The following MYOCD variants were observed in gnomAD, a reference collection of about 807,000 sequenced individuals.
The protein encoded by MYOCD is myocardin.
MYOCD carries 32 observed loss-of-function variants against 96.1 expected under a neutral mutation model. The observed-to-expected ratio is 0.33, with a 90% CI of 0.25 to 0.45. The LOEUF (loss-of-function observed/expected upper bound fraction) is 0.45. Ranked by LOEUF, MYOCD falls within the 20% of genes least tolerant of loss-of-function variation. The probability of loss-of-function intolerance (pLI) is 1.00; values close to 1 mark genes in which losing one functional copy is unlikely to be tolerated. For missense variants in MYOCD, 1,133 were observed against 1,200.6 expected, an observed-to-expected ratio of 0.94 and a Z score of 0.83; for synonymous variants, 469 against 469.0, an observed-to-expected ratio of 1.00 and a Z score of 0.00.
intron 2 of MYOCD, 59 bp from the exon 3 acceptor site, chr17:12,715,460 C>T (rs375980560): frequency 2.7e-5 from 40 of 1,470,224 alleles, no homozygotes; most frequent in African/African-American, 5.6e-5. Flanking sequence ...GCAAACTCTG[C>T]GATACAGACC....
At chr17:12,756,313 A>T in intron 10 of MYOCD, 101 bp from the exon 11 acceptor site, 1 of 1,371,472 alleles carries the variant, frequency 7.3e-7, no homozygotes, top group Non-Finnish European at 1.0e-6. Flanking sequence ...GTTTGTAAAA[A>T]TGACACCAGG....
At chr17:12,761,030 A>G (rs61699330) in intron 13 of MYOCD, 60,979 of 231,000 alleles carry the variant, frequency 0.26, 9,404 homozygotes, top group East Asian at 0.39. Context: ...CAATGCCCCT[A>G]CCTTCTCAAT....
intron 10 of MYOCD, among the ~76,000 whole-genome samples, chr17:12,754,230 G>A (rs2032947169): frequency 1.3e-5 from 2 of 151,970 alleles, no homozygotes; most frequent in Admixed American, 1.3e-4. Flanking sequence ...TCAGCCTCCC[G>A]AGTAGCTGGG....
chr17:12,677,660 C>T (rs1028660769), intron 1 of MYOCD, among the ~76,000 whole-genome samples: 4 of 150,260 alleles, frequency 2.7e-5, no homozygotes, highest in South Asian at 2.1e-4. Flanking sequence ...TGCAGTGAGC[C>T]GAGATCACGC....
rs756914276 is a variant in MYOCD, at chr17:12,752,728, C to G, written c.1440C>G (p.Pro480=). 21 of 1,614,182 alleles carry G rather than the reference C, an allele frequency of 1.3e-5. No individual in the cohort carries two copies. The highest frequency in any genetic ancestry group is 2.2e-5 in the East Asian group (1 of 44,882). The change falls in exon 10 of 14, where the codon CCC becomes CCG. Residue 480 remains proline, a synonymous_variant. Coordinates refer to ENST00000425538, the MANE Select transcript of MYOCD (RefSeq NM_001146312.3). Reference sequence around the variant, plus strand: ...CGGACACCTTCAATGATGCCTCCCCCTCCTTCGGCCTGCACCCGTCCCCAG... The same window carrying G: ...CGGACACCTTCAATGATGCCTCCCCGTCCTTCGGCCTGCACCCGTCCCCAG... The part of the protein sequence containing the change: ...SLPDTFNDAS[P]SFGLHPSPVH...
chr17:12,729,537 T>G (rs1460931304), intron 5 of MYOCD, among the ~76,000 whole-genome samples: 1 of 150,896 alleles, frequency 6.6e-6, no homozygotes, highest in African/African-American at 2.4e-5. Flanking sequence ...TGGGAGGGGC[T>G]GAGGAGCATC....
At chr17:12,755,640 G>A (rs1026469979) in intron 10 of MYOCD, among the ~76,000 whole-genome samples, 3 of 152,128 alleles carry the variant, frequency 2.0e-5, no homozygotes, top group Non-Finnish European at 2.9e-5. Flanking sequence ...TTGAGAGGCT[G>A]AGGCGGGTGG....
intron 5 of MYOCD, among the ~76,000 whole-genome samples, chr17:12,733,885 A>AAAAAAAAAAAAAAAAAG (rs1567591071): frequency 7.2e-6 from 1 of 139,794 alleles, no homozygotes; most frequent in African/African-American, 2.7e-5. Context: ...AAAAAAGAAA[A>AAAAAAAAAAAAAAAAAG]AAAGAAAGAA....
intron 1 of MYOCD, among the ~76,000 whole-genome samples, chr17:12,697,648 G>A (rs1409268164): frequency 6.6e-6 from 1 of 151,686 alleles, no homozygotes; most frequent in East Asian, 1.9e-4. Context: ...CACTGCCACC[G>A]GCCTAGGTAT....
intron 1 of MYOCD, among the ~76,000 whole-genome samples, chr17:12,673,799 C>T (rs939045155): frequency 3.9e-5 from 6 of 152,148 alleles, no homozygotes; most frequent in African/African-American, 1.4e-4. Context: ...ACAAACTTAA[C>T]TTTAGGCCTA....
In MYOCD at chr17:12,764,051, A is replaced by G. The variant is rs1002589119; in HGVS notation, c.*407A>G. ...GGAAAACGTAGTCTTTTGGGAGTACAGGGAAGCCAGCCCCTCAAAGCTTAT... is the reference window on the plus strand; with the variant it reads ...GGAAAACGTAGTCTTTTGGGAGTACGGGGAAGCCAGCCCCTCAAAGCTTAT... On this transcript the variant is annotated 3_prime_UTR_variant, in exon 14 of 14. Coordinates refer to ENST00000425538, the MANE Select transcript of MYOCD (RefSeq NM_001146312.3). 6.4e-6 allele frequency: 1 copy of G among 156,520 alleles called. No individual in the cohort carries two copies. The highest frequency in any genetic ancestry group is 6.4e-5 in the Admixed American group (1 of 15,518). The allele number at this position is 156,520 out of a possible 1,614,324, so 9.7% of individuals were successfully genotyped here. A position where few individuals can be genotyped will look rare whatever the true frequency, so the allele number is the denominator to read the frequency against.
At chr17:12,681,551 A>T (rs1910467912) in intron 1 of MYOCD, among the ~76,000 whole-genome samples, 1 of 152,168 alleles carries the variant, frequency 6.6e-6, no homozygotes, top group South Asian at 2.1e-4. Flanking sequence ...TAATTCTGAG[A>T]CCGAGCCTTT....
intron 1 of MYOCD, among the ~76,000 whole-genome samples, chr17:12,679,810 A>G (rs1478668828): frequency 2.6e-5 from 4 of 152,206 alleles, no homozygotes; most frequent in African/African-American, 7.2e-5. Context: ...AGGTTTCAGA[A>G]TTGCATATGA....
Position 12,763,538 on chromosome 17 carries a change from T to C in MYOCD, c.2855T>C (p.Phe952Ser). The change falls in exon 14 of 14, where the codon TTT (phenylalanine) becomes TCT (serine). Residue 952 changes from phenylalanine to serine, a missense_variant. By Grantham distance (155) the Phe-to-Ser change is radical. Transcript: ENST00000425538. ...DLTPPNSTPG[F>S]SALTTSSPSI... ...ACTCCGCCAAATTCCACACCAGGCT[T>C]TAGCGCCCTCACCACCAGCAGCCCC... is the stretch of plus-strand genomic sequence containing the variant. 1 of 1,614,196 alleles carries C rather than the reference T, an allele frequency of 6.2e-7. No individual in the cohort carries two copies.
chr17:12,677,648 C>A (rs77109077), intron 1 of MYOCD, among the ~76,000 whole-genome samples: 1 of 150,836 alleles, frequency 6.6e-6, no homozygotes, highest in Non-Finnish European at 1.5e-5. Flanking sequence ...GGAGGCTGAG[C>A]TTGCAGTGAG....
At position 12,676,159 on chromosome 17, in the gene MYOCD, T is replaced by C. The variant is rs141212454; in HGVS notation, c.55+9916T>C. On this transcript the variant is annotated intron_variant, in intron 1 of 13. Transcript: ENST00000425538. ...GTGAAGATTTAGAGGACGTGGACACTAAATAAAATTTGATTACATATTTTA... is the reference window on the plus strand; with the variant it reads ...GTGAAGATTTAGAGGACGTGGACACCAAATAAAATTTGATTACATATTTTA... 1.6e-3 allele frequency among the ~76,000 whole-genome samples: 239 copies of C among 152,024 alleles called. 1 individual carries two copies. The highest frequency in any genetic ancestry group is 2.8e-3 in the Non-Finnish European group (188 of 68,018).
chr17:12,680,981 T>TA (rs1388538865), intron 1 of MYOCD, among the ~76,000 whole-genome samples: 1 of 152,126 alleles, frequency 6.6e-6, no homozygotes, highest in Non-Finnish European at 1.5e-5. Context: ...ATTTAATCCT[T>TA]ACAGCAATCC....
intron 1 of MYOCD, among the ~76,000 whole-genome samples, chr17:12,700,791 T>C (rs1254841711): frequency 6.6e-6 from 1 of 152,132 alleles, no homozygotes. Context: ...TTATAATTGG[T>C]ATAATGTATA....
At chr17:12,708,520 G>A (rs755361085) in intron 2 of MYOCD, among the ~76,000 whole-genome samples, 10 of 151,896 alleles carry the variant, frequency 6.6e-5, no homozygotes, top group Non-Finnish European at 1.0e-4. Flanking sequence ...CAGCCTCCGA[G>A]TAGCTGGGAC....
Sources: gnomAD v4.1 joint callset for allele counts (sites outside exome capture counted in the v4.1 genomes callset) on GRCh38, gnomAD v4.1.1 for gene constraint, MANE v1.5 for transcripts, NCBI Gene and HGNC (gene_info 2026-07-23, HGNC 2026-07-21) for gene names.